Variants in IQCM observed in about 807,000 individuals in gnomAD.
IQCM encodes the protein IQ domain-containing protein M.
IQCM carries 45 observed loss-of-function variants against 57.6 expected under a neutral mutation model. The ratio of observed to expected loss-of-function variants is 0.78; its 90% CI spans 0.62 to 1.00. The LOEUF is 1.00. Among genes scored for constraint, IQCM ranks in the 50% least tolerant of loss-of-function variants. The probability of loss-of-function intolerance (pLI) is 0.00; values close to 1 mark genes in which losing one functional copy is unlikely to be tolerated. For synonymous variants in IQCM, 148 were observed against 158.9 expected (o/e 0.93, Z 0.51); for missense variants, 468 against 511.6 (o/e 0.91, Z 0.82).
intron 7 of IQCM, among the ~76,000 whole-genome samples, chr4:149,681,641 T>C (rs1336957924): frequency 4.6e-5 from 7 of 151,124 alleles, no homozygotes; most frequent in Admixed American, 1.3e-4. Flanking sequence ...TTTACCTTAA[T>C]GACAGCCTGA....
At chr4:149,579,643 A>C (rs1751991472) in intron 9 of IQCM, among the ~76,000 whole-genome samples, 1 of 151,930 alleles carries the variant, frequency 6.6e-6, no homozygotes, top group African/African-American at 2.4e-5. Context: ...CCTTTGCATA[A>C]GAGGCAATTG....
chr4:149,407,623 C>G (rs1417987820), intron 13 of IQCM, among the ~76,000 whole-genome samples: 1 of 152,100 alleles, frequency 6.6e-6, no homozygotes, highest in Non-Finnish European at 1.5e-5. Flanking sequence ...CCAGTTTCAT[C>G]CATGCTGCTG....
chr4:149,622,369 G>A (rs190124257), intron 7 of IQCM, among the ~76,000 whole-genome samples: 1 of 141,218 alleles, frequency 7.1e-6, no homozygotes, highest in Admixed American at 7.4e-5. Context: ...TGGAGACGTA[G>A]TCTCACTCTT....
chr4:149,376,681 C>A lies in IQCM; in HGVS notation c.1391-24615G>T, dbSNP rs181219223. Among the ~76,000 whole-genome samples, 435 of 152,120 alleles carry A rather than the reference C, an allele frequency of 2.9e-3. 1 individual carries two copies. The highest frequency in any genetic ancestry group is 0.01 in the Middle Eastern group (3 of 294). ...TTATTTTATGACTCTAACATGAAACCAGATTAATATTTATGTGGTAAGACA... is the reference window on the plus strand; with the variant it reads ...TTATTTTATGACTCTAACATGAAACAAGATTAATATTTATGTGGTAAGACA... On this transcript the variant is annotated intron_variant, in intron 13 of 13. Coordinates refer to ENST00000636793, the MANE Select transcript of IQCM (RefSeq NM_001363507.2).
intron 10 of IQCM, among the ~76,000 whole-genome samples, chr4:149,559,744 T>C (rs1749938679): frequency 6.6e-6 from 1 of 152,222 alleles, no homozygotes; most frequent in African/African-American, 2.4e-5. Context: ...TTGTGAGTGT[T>C]AGCACACGTT....
At chr4:149,525,769 T>TGG (rs1746097506) in intron 12 of IQCM, among the ~76,000 whole-genome samples, 1 of 151,844 alleles carries the variant, frequency 6.6e-6, no homozygotes, top group African/African-American at 2.4e-5. Context: ...ACATAGAAAT[T>TGG]TAAAGATTTC....
intron 2 of IQCM, among the ~76,000 whole-genome samples, chr4:149,774,620 C>A (rs1770903064): frequency 6.6e-6 from 1 of 152,046 alleles, no homozygotes; most frequent in African/African-American, 2.4e-5. Flanking sequence ...CTCCTCCAGC[C>A]TCTGCATATA....
rs191910509 is a variant in IQCM at position 149,385,198 on chromosome 4, T to A, written c.1391-33132A>T. Among the ~76,000 whole-genome samples, 253 of 152,218 alleles carry A rather than the reference T, an allele frequency of 1.7e-3. 1 individual carries two copies. Among genetic ancestry groups the A allele is most frequent in the Admixed American group, 2.6e-3 (40 of 15,254 alleles). ...TTAATCTGCCTCCATATTCATACTA[T>A]TAGGCACCTACCTATATTACTTAGG... is the stretch of plus-strand genomic sequence containing the variant. On this transcript the variant is annotated intron_variant, in intron 13 of 13. Transcript: ENST00000636793.
chr4:149,574,593 T>C (rs1200923030), intron 9 of IQCM, among the ~76,000 whole-genome samples: 1 of 151,958 alleles, frequency 6.6e-6, no homozygotes, highest in African/African-American at 2.4e-5. Flanking sequence ...TGAGAAAAGA[T>C]ACAATAAGTT....
At chr4:149,717,829 A>G (rs1765127819) in intron 5 of IQCM, among the ~76,000 whole-genome samples, 1 of 152,208 alleles carries the variant, frequency 6.6e-6, no homozygotes, top group Admixed American at 6.5e-5. Flanking sequence ...GAGGCAATGC[A>G]TGTGCCACTC....
intron 2 of IQCM, among the ~76,000 whole-genome samples, chr4:149,811,433 A>T (rs1774556933): frequency 6.6e-6 from 1 of 152,186 alleles, no homozygotes; most frequent in Admixed American, 6.5e-5. Context: ...AAATATCAAG[A>T]TATATATTAA....
intron 2 of IQCM, among the ~76,000 whole-genome samples, chr4:149,787,441 A>G (rs1026276564): frequency 8.5e-5 from 13 of 152,226 alleles, no homozygotes; most frequent in African/African-American, 3.1e-4. Context: ...AAAATACATT[A>G]CCAAGCTACA....
At chr4:149,627,000 C>G (rs1756871747) in intron 7 of IQCM, among the ~76,000 whole-genome samples, 1 of 152,060 alleles carries the variant, frequency 6.6e-6, no homozygotes, top group Non-Finnish European at 1.5e-5. Flanking sequence ...TAACTGATTC[C>G]CTTTTCCTAC....
chr4:149,650,995 C>G (rs1474858309), intron 7 of IQCM, among the ~76,000 whole-genome samples: 1 of 152,076 alleles, frequency 6.6e-6, no homozygotes, highest in East Asian at 1.9e-4. Flanking sequence ...AATCCAAAAC[C>G]ATTAATAAAA....
chr4:149,579,323 A>G (rs1368409596), intron 9 of IQCM, among the ~76,000 whole-genome samples: 1 of 151,812 alleles, frequency 6.6e-6, no homozygotes, highest in African/African-American at 2.4e-5. Context: ...AGATGAGGCC[A>G]TTTCTATTCC....
intron 13 of IQCM, among the ~76,000 whole-genome samples, chr4:149,411,094 GT>G (rs1401102697): frequency 3.9e-5 from 6 of 152,038 alleles, no homozygotes; most frequent in Non-Finnish European, 7.4e-5. Flanking sequence ...AAAAACTGAA[GT>G]TCATCAAAAT....
chr4:149,458,962 G>A (rs1737988569), intron 12 of IQCM, among the ~76,000 whole-genome samples: 2 of 152,126 alleles, frequency 1.3e-5, no homozygotes, highest in Admixed American at 1.3e-4. Flanking sequence ...TAACAATAAA[G>A]CTAGATAGAG....
At chr4:149,491,012 G>A (rs753176438) in intron 12 of IQCM, among the ~76,000 whole-genome samples, 2 of 151,964 alleles carry the variant, frequency 1.3e-5, no homozygotes, top group Admixed American at 6.6e-5. Flanking sequence ...CATAAAGTAC[G>A]TGAGTGGAAC....
At chr4:149,708,993 C>A (rs1764363007) in intron 5 of IQCM, among the ~76,000 whole-genome samples, 6 of 152,022 alleles carry the variant, frequency 3.9e-5, no homozygotes, top group Admixed American at 3.9e-4. Flanking sequence ...AATCAGAAAT[C>A]AAGGTGAAAT....
Sources: gnomAD v4.1 joint callset for allele counts (sites outside exome capture counted in the v4.1 genomes callset) on GRCh38, gnomAD v4.1.1 for gene constraint, MANE v1.5 for transcripts, NCBI Gene and HGNC (gene_info 2026-07-23, HGNC 2026-07-21) for gene names.